Variants in MTRFR observed in about 807,000 individuals in gnomAD.
MTRFR encodes the protein probable peptide chain release factor C12orf65, mitochondrial.
A neutral mutation model predicts 11.9 loss-of-function variants in MTRFR; 10 were observed. The ratio of observed to expected loss-of-function variants is 0.84; its 90% CI spans 0.52 to 1.42. The LOEUF is 1.42. Ranked by LOEUF, MTRFR falls within the 40% of genes most tolerant of loss-of-function variation. MTRFR has a pLI of 0.00. For missense variants in MTRFR, 196 were observed against 197.9 expected, an observed-to-expected ratio of 0.99 and a Z score of 0.06; for synonymous variants, 77 against 79.1, an observed-to-expected ratio of 0.97 and a Z score of 0.14.
At chr12:123,253,359 C>T (rs1271329578) in intron 1 of MTRFR, 6 of 366,496 alleles carry the variant, frequency 1.6e-5, no homozygotes. Context: ...CTCAAAACCT[C>T]TCCTTTCTGA....
chr12:123,251,204 CG>C, intron 1 of MTRFR: 1 of 152,450 alleles, frequency 6.6e-6, no homozygotes, highest in South Asian at 2.1e-4. Flanking sequence ...ACAACTGCCC[CG>C]AGTCTGTTTC....
At chr12:123,246,095 TCACCCAGG>T (rs1565994548) in intron 1 of MTRFR, among the ~76,000 whole-genome samples, 1 of 152,174 alleles carries the variant, frequency 6.6e-6, no homozygotes, top group African/African-American at 2.4e-5. Flanking sequence ...TCTCGCTCTG[TCACCCAGG>T]CTGGAGTGCA....
At chr12:123,245,100 C>G (rs2048019313) in intron 1 of MTRFR, among the ~76,000 whole-genome samples, 4 of 151,828 alleles carry the variant, frequency 2.6e-5, no homozygotes, top group Admixed American at 6.6e-5. Flanking sequence ...ATGCGCCCAC[C>G]ACTGCGCCCG....
rs2138801219 is a variant in MTRFR at position 123,257,144 on chromosome 12, G to C, written c.*113G>C. 1 of 843,962 alleles carries C rather than the reference G, an allele frequency of 1.2e-6. No individual in the cohort carries two copies. The highest frequency in any genetic ancestry group is 2.0e-6 in the Non-Finnish European group (1 of 507,046). 52.3% of individuals were successfully genotyped at this position (843,962 alleles called of 1,614,324 possible). On this transcript the variant is annotated 3_prime_UTR_variant, in exon 3 of 3. Transcript: ENST00000253233. ...GTGCTTCAAAAGAAATATTTTTGATGAACTTAAAAGACAACAAATTTATTT... is the reference window on the plus strand; with the variant it reads ...GTGCTTCAAAAGAAATATTTTTGATCAACTTAAAAGACAACAAATTTATTT...
chr12:123,249,219 C>A (rs533979046), intron 1 of MTRFR: 2 of 152,422 alleles, frequency 1.3e-5, no homozygotes, highest in African/African-American at 4.8e-5. Flanking sequence ...CATAAAAGTT[C>A]TCCAAGTCCC....
At chr12:123,245,429 G>A (rs1029877005) in intron 1 of MTRFR, among the ~76,000 whole-genome samples, 32 of 152,004 alleles carry the variant, frequency 2.1e-4, no homozygotes, top group African/African-American at 7.5e-4. Flanking sequence ...TGATGGTGGT[G>A]GTATTTTGAT....
chr12:123,252,931 T>G (rs2048131781), intron 1 of MTRFR, among the ~76,000 whole-genome samples: 1 of 152,074 alleles, frequency 6.6e-6, no homozygotes, highest in Admixed American at 6.6e-5. Context: ...TCTCAAAAAA[T>G]AAAATAGACT....
intron 1 of MTRFR, among the ~76,000 whole-genome samples, chr12:123,240,298 C>T (rs1283536963): frequency 3.3e-5 from 5 of 151,018 alleles, no homozygotes; most frequent in African/African-American, 7.3e-5. Flanking sequence ...TGCTAGAACC[C>T]GGGAGGCGGA....
chr12:123,256,714 T>C (rs753483238), intron 2 of MTRFR, 99 bp from the exon 3 acceptor site: 87 of 924,188 alleles, frequency 9.4e-5, no homozygotes, highest in Non-Finnish European at 1.3e-4. Context: ...AAATAAATAG[T>C]AAATAAAAAA....
intron 2 of MTRFR, 85 bp downstream of exon 2, chr12:123,254,041 T>C (rs1428182639): frequency 4.0e-6 from 6 of 1,514,160 alleles, no homozygotes; most frequent in South Asian, 2.4e-5. Context: ...GTGAATGGGA[T>C]CAGCCGAAGT....
intron 1 of MTRFR, among the ~76,000 whole-genome samples, chr12:123,237,217 G>A (rs564527552): frequency 5.3e-5 from 8 of 152,296 alleles, no homozygotes; most frequent in Admixed American, 5.2e-4. Context: ...AGGACTACGG[G>A]AGGCCAAGGC....
chr12:123,252,546 G>A (rs535350110), intron 1 of MTRFR: 1 of 146,998 alleles, frequency 6.8e-6, no homozygotes, highest in South Asian at 2.1e-4. Context: ...CATGAAACTG[G>A]AAACAAAAAA....
chr12:123,252,903 C>T (rs148429078), intron 1 of MTRFR, among the ~76,000 whole-genome samples: 20 of 152,030 alleles, frequency 1.3e-4, no homozygotes, highest in Admixed American at 5.9e-4. Flanking sequence ...CCAGCCTGGG[C>T]GACAGAGCGA....
chr12:123,253,038 T>G (rs2048133482), intron 1 of MTRFR, among the ~76,000 whole-genome samples: 1 of 150,160 alleles, frequency 6.7e-6, no homozygotes, highest in Non-Finnish European at 1.5e-5. Flanking sequence ...ATGCACTATT[T>G]ACCTGTATCA....
At chr12:123,249,821 C>G (rs4474478) in intron 1 of MTRFR, 9 of 152,370 alleles carry the variant, frequency 5.9e-5, no homozygotes, top group African/African-American at 1.9e-4. Context: ...CACATTGTCA[C>G]CTCTCATTTG....
intron 1 of MTRFR, among the ~76,000 whole-genome samples, chr12:123,244,871 T>C (rs1251325893): frequency 6.7e-6 from 1 of 149,648 alleles, no homozygotes; most frequent in Non-Finnish European, 1.5e-5. Flanking sequence ...GACCTTGTGA[T>C]CTGCCCGCCT....
intron 2 of MTRFR, among the ~76,000 whole-genome samples, chr12:123,255,622 T>G (rs998559078): frequency 6.6e-6 from 1 of 151,076 alleles, no homozygotes; most frequent in African/African-American, 2.4e-5. Flanking sequence ...ACACTCAGTG[T>G]TTTTTGTTTC....
intron 2 of MTRFR, among the ~76,000 whole-genome samples, chr12:123,255,263 C>G (rs2048170860): frequency 1.3e-5 from 2 of 152,190 alleles, no homozygotes; most frequent in Non-Finnish European, 2.9e-5. Context: ...ATGTTCCTAA[C>G]AGCTGCACTT....
At chr12:123,232,918 C>T (rs991027430), upstream of MTRFR, 3 of 152,356 alleles carry the variant, frequency 2.0e-5, no homozygotes, top group African/African-American at 7.2e-5. Flanking sequence ...AGAGCTCCCA[C>T]ACGCCGAAGG....
Sources: gnomAD v4.1 joint callset for allele counts (sites outside exome capture counted in the v4.1 genomes callset) on GRCh38, gnomAD v4.1.1 for gene constraint, MANE v1.5 for transcripts, NCBI Gene and HGNC (gene_info 2026-07-23, HGNC 2026-07-21) for gene names.